Variants in GLI3 observed in about 807,000 individuals in gnomAD.
The protein encoded by GLI3 is transcription activator GLI3.
In GLI3, 20 loss-of-function variants were observed where a neutral mutation model predicts 100.8. That is an observed-to-expected ratio of 0.20 (90% CI 0.14 to 0.29). GLI3 has a LOEUF of 0.29. Ranked by LOEUF, GLI3 falls within the 10% of genes least tolerant of loss-of-function variation. GLI3 has a pLI of 1.00. For synonymous variants in GLI3, 938 were observed against 860.5 expected (o/e 1.09, Z -1.58); for missense variants, 2,040 against 2,128.5 (o/e 0.96, Z 0.82).
At chr7:42,145,692 C>A in intron 3 of GLI3, 1 of 396,418 alleles carries the variant, frequency 2.5e-6, no homozygotes, top group South Asian at 1.3e-4. Flanking sequence ...CTTAGAGAGT[C>A]AACTTATCAC....
intron 2 of GLI3, chr7:42,151,428 C>T (rs1437113265): frequency 6.6e-6 from 1 of 152,238 alleles, no homozygotes; most frequent in South Asian, 2.1e-4. Flanking sequence ...GCTGTCTAAT[C>T]TTGTTCAGTT....
intron 3 of GLI3, among the ~76,000 whole-genome samples, chr7:42,133,619 T>C (rs1786348248): frequency 7.1e-6 from 1 of 141,608 alleles, no homozygotes; most frequent in South Asian, 2.4e-4. Context: ...ATTAGAATCT[T>C]AATACTCTGG....
intron 1 of GLI3, among the ~76,000 whole-genome samples, chr7:42,258,740 G>A (rs1789111377): frequency 6.6e-6 from 1 of 152,076 alleles, no homozygotes; most frequent in South Asian, 2.1e-4. Context: ...AGGACCCTTG[G>A]GCTTGTTTTA....
intron 4 of GLI3, among the ~76,000 whole-genome samples, chr7:42,050,074 T>A (rs918013500): frequency 1.3e-5 from 2 of 151,992 alleles, no homozygotes; most frequent in African/African-American, 4.8e-5. Context: ...AAATCAGAGA[T>A]CAGATAATGA....
At chr7:42,100,752 G>A (rs571735619) in intron 3 of GLI3, among the ~76,000 whole-genome samples, 2 of 152,118 alleles carry the variant, frequency 1.3e-5, no homozygotes, top group African/African-American at 4.8e-5. Flanking sequence ...AGAAAAAGAA[G>A]AGGGGGTGGG....
chr7:42,034,522 C>A (rs909323934), intron 7 of GLI3, among the ~76,000 whole-genome samples: 1 of 152,124 alleles, frequency 6.6e-6, no homozygotes, highest in Non-Finnish European at 1.5e-5. Context: ...ATAACTTGGA[C>A]CCTGCCTGTG....
At chr7:41,967,982 C>A in intron 13 of GLI3, 59 bp from the exon 14 acceptor site, 2 of 1,307,992 alleles carry the variant, frequency 1.5e-6, no homozygotes, top group East Asian at 4.6e-5. Flanking sequence ...GGAAAGGGAG[C>A]CAATAATGAG....
intron 10 of GLI3, among the ~76,000 whole-genome samples, chr7:42,021,932 C>T (rs1788954982): frequency 6.6e-6 from 1 of 152,142 alleles, no homozygotes; most frequent in Non-Finnish European, 1.5e-5. Context: ...AACTTTTCCC[C>T]TTTGATATTC....
upstream of GLI3, among the ~76,000 whole-genome samples, chr7:42,242,689 G>A (rs1443968725): frequency 2.0e-5 from 3 of 152,150 alleles, no homozygotes; most frequent in Admixed American, 2.0e-4. Context: ...CCAGTTAGCA[G>A]GACCCATCTT....
chr7:42,170,397 CTTTTTTTTTTT>C (rs1185274818), intron 2 of GLI3, among the ~76,000 whole-genome samples: 3 of 81,064 alleles, frequency 3.7e-5, no homozygotes, highest in Non-Finnish European at 6.8e-5. Context: ...ACTTACTGAT[CTTTTTTTTTTT>C]TTTTTTTTTT....
chr7:42,050,469 C>T (rs73688632), intron 4 of GLI3, among the ~76,000 whole-genome samples: 296 of 152,340 alleles, frequency 1.9e-3, no homozygotes, highest in African/African-American at 6.7e-3. Flanking sequence ...TCCATTTAGA[C>T]GTGTCCGCCA....
intron 13 of GLI3, among the ~76,000 whole-genome samples, chr7:41,971,764 G>A (rs1174084837): frequency 1.6e-4 from 24 of 152,146 alleles, no homozygotes; most frequent in Non-Finnish European, 1.5e-5. Flanking sequence ...CCACCCCTGT[G>A]CTCCTCTGCC....
intron 10 of GLI3, 59 bp downstream of exon 10, chr7:42,023,409 A>G: frequency 6.4e-7 from 1 of 1,567,878 alleles, no homozygotes; most frequent in Non-Finnish European, 8.8e-7. Flanking sequence ...AGAGAGGCTG[A>G]CCTCCCTGGA....
At chr7:42,004,800 A>G (rs1406181776) in intron 10 of GLI3, among the ~76,000 whole-genome samples, 2 of 152,184 alleles carry the variant, frequency 1.3e-5, no homozygotes, top group Admixed American at 6.5e-5. Flanking sequence ...TTAGAGAATG[A>G]TATTCTTTTC....
At chr7:42,253,941 C>G (rs369837715) in intron 1 of GLI3, among the ~76,000 whole-genome samples, 2 of 152,076 alleles carry the variant, frequency 1.3e-5, no homozygotes, top group African/African-American at 4.8e-5. Context: ...AGCAATGGGC[C>G]GGACATGATG....
At chr7:42,225,420 C>T (rs1788563724) in intron 1 of GLI3, among the ~76,000 whole-genome samples, 1 of 152,124 alleles carries the variant, frequency 6.6e-6, no homozygotes, top group Admixed American at 6.5e-5. Context: ...AGTGCAATGG[C>T]GTGATCTCAG....
rs150079458 is a variant in GLI3, at chr7:42,002,986, A to G, written c.1497+20482T>C. Among the ~76,000 whole-genome samples, 164 of 152,320 alleles carry G rather than the reference A, an allele frequency of 1.1e-3. 1 individual carries two copies. Among genetic ancestry groups the G allele is most frequent in the African/African-American group, 3.8e-3 (159 of 41,580 alleles). Reference sequence around the variant, plus strand: ...ACAAACCAAGCACTAGTTGCCTAATATTAGTTTCAGAGCCTGTATTGTTAC... The same window carrying G: ...ACAAACCAAGCACTAGTTGCCTAATGTTAGTTTCAGAGCCTGTATTGTTAC... On this transcript the variant is annotated intron_variant, in intron 10 of 14. Coordinates refer to ENST00000395925, the MANE Select transcript of GLI3 (RefSeq NM_000168.6).
At chr7:42,256,414 G>T (rs1369948776) in intron 1 of GLI3, among the ~76,000 whole-genome samples, 2 of 151,720 alleles carry the variant, frequency 1.3e-5, no homozygotes, top group Admixed American at 6.6e-5. Context: ...TATATTTTTA[G>T]CTCTTAGATT....
At chr7:42,102,662 A>G (rs1010813429) in intron 3 of GLI3, among the ~76,000 whole-genome samples, 1 of 152,188 alleles carries the variant, frequency 6.6e-6, no homozygotes, top group African/African-American at 2.4e-5. Flanking sequence ...ATCTCTTCCC[A>G]TGCCTAGGAT....
Sources: gnomAD v4.1 joint callset for allele counts (sites outside exome capture counted in the v4.1 genomes callset) on GRCh38, gnomAD v4.1.1 for gene constraint, MANE v1.5 for transcripts, NCBI Gene and HGNC (gene_info 2026-07-23, HGNC 2026-07-21) for gene names.